Variants in SLC37A2 observed in about 807,000 individuals in gnomAD.
SLC37A2 encodes the protein solute carrier family 37 member 2, also known as glucose-6-phosphate exchanger SLC37A2.
SLC37A2 carries 59 observed loss-of-function variants against 70.7 expected under a neutral mutation model. The observed-to-expected ratio is 0.83, with a 90% confidence interval of 0.68 to 1.04. The LOEUF is 1.04. Ranked by LOEUF, SLC37A2 falls within the 50% of genes least tolerant of loss-of-function variation. SLC37A2 has a pLI of 0.00. For missense variants in SLC37A2, 580 were observed against 658.1 expected, an observed-to-expected ratio of 0.88 and a Z score of 1.30; for synonymous variants, 257 against 262.1, an observed-to-expected ratio of 0.98 and a Z score of 0.19.
At position 125,081,873 on chromosome 11, in the gene SLC37A2, T is replaced by G. The variant is rs746024178; in HGVS notation, c.852T>G (p.Ala284=). The G allele has an allele frequency of 3.2e-5, 52 of 1,613,460 alleles. No homozygotes were observed. The South Asian group carries it at 5.6e-4, about 17-fold the overall frequency. ...CCAAGGGGCCATGCGAAGAGCCTGC[T>G]GCCATCAGCTTCTTTGGGGCGCTCC... is the stretch of plus-strand genomic sequence containing the variant. The part of the protein sequence containing the change: ...KCSKGPCEEP[A]AISFFGALRI... The change falls in exon 9 of 18, where the codon GCT becomes GCG. Residue 284 remains alanine (A), a synonymous_variant. Coordinates refer to ENST00000403796, the MANE Select transcript of SLC37A2 (RefSeq NM_001145290.2).
intron 7 of SLC37A2, 41 bp from the exon 8 acceptor site, chr11:125,081,380 G>A (rs202189032): frequency 3.1e-4 from 484 of 1,583,966 alleles, no homozygotes; most frequent in Non-Finnish European, 3.9e-4. Context: ...TTGGGGGGGC[G>A]GGGGTTGGGA....
intron 14 of SLC37A2, 56 bp downstream of exon 14, chr11:125,085,195 C>T: frequency 6.5e-7 from 1 of 1,527,160 alleles, no homozygotes; most frequent in Non-Finnish European, 9.1e-7. Context: ...TGGTCAGGGC[C>T]ACCATCTCCA....
chr11:125,084,207 C>A (rs745343243), intron 11 of SLC37A2, 27 bp from the exon 12 acceptor site: 1 of 1,613,210 alleles, frequency 6.2e-7, no homozygotes, highest in South Asian at 1.1e-5. Context: ...GTCTGGGAGT[C>A]AGTGCGTGAG....
intron 1 of SLC37A2, among the ~76,000 whole-genome samples, chr11:125,071,598 C>T (rs1949029609): frequency 6.6e-6 from 1 of 152,232 alleles, no homozygotes; most frequent in Non-Finnish European, 1.5e-5. Context: ...TCTAGGAAGG[C>T]TCTCAGGGCA....
In SLC37A2 at chr11:125,083,463, T is replaced by G; in HGVS notation, c.977-352T>G. The G allele has an allele frequency of 4.2e-6, 1 of 239,260 alleles. No homozygotes were observed. The highest frequency in any genetic ancestry group is 7.4e-5 in the South Asian group (1 of 13,472). The allele number at this position is 239,260 out of a possible 1,614,324, so 14.8% of individuals were successfully genotyped here. A position where few individuals can be genotyped will look rare whatever the true frequency, so the allele number is the denominator to read the frequency against. The stretch of plus-strand genomic sequence containing the variant: ...GTTCCTAGTGCTGCTAGGGCCGGAG[T>G]GAAGCAGAGAAAGGGCTGGGCTGAG... On this transcript the variant is annotated intron_variant, in intron 10 of 17. Coordinates refer to ENST00000403796, the MANE Select transcript of SLC37A2 (RefSeq NM_001145290.2). This position sits in a 1 kb window ranked among gnomAD's most constrained non-coding sequence, Gnocchi z 4.6.
chr11:125,069,828 C>T (rs1466204201), intron 1 of SLC37A2, among the ~76,000 whole-genome samples: 3 of 152,246 alleles, frequency 2.0e-5, no homozygotes, highest in African/African-American at 7.2e-5. Context: ...GAAGATGTTG[C>T]TCTCCTCCTC....
chr11:125,071,785 G>A (rs1241817899), intron 1 of SLC37A2, among the ~76,000 whole-genome samples: 1 of 140,846 alleles, frequency 7.1e-6, no homozygotes, highest in Non-Finnish European at 1.5e-5. Context: ...CTGCACCTGT[G>A]GTATCTGTTC....
Position 125,083,478 on chromosome 11 carries a change from G to T in SLC37A2, c.977-337G>T. On this transcript the variant is annotated intron_variant, in intron 10 of 17. Transcript: ENST00000403796. This position sits in a 1 kb window ranked among gnomAD's most constrained non-coding sequence, Gnocchi z 4.6. ...AGGGCCGGAGTGAAGCAGAGAAAGG[G>T]CTGGGCTGAGCTTCAGGTTGCGCTC... The T allele has an allele frequency of 3.6e-6, 1 of 280,166 alleles. No individual in the cohort carries two copies. 17.4% of individuals were successfully genotyped at this position (280,166 alleles called of 1,614,324 possible).
chr11:125,069,865 C>A (rs1255805058), intron 1 of SLC37A2, among the ~76,000 whole-genome samples: 1 of 152,240 alleles, frequency 6.6e-6, no homozygotes, highest in African/African-American at 2.4e-5. Flanking sequence ...GTCAGGATGA[C>A]AATGAATGGC....
chr11:125,069,972 G>A (rs988972938), intron 1 of SLC37A2, among the ~76,000 whole-genome samples: 9 of 152,364 alleles, frequency 5.9e-5, no homozygotes, highest in Non-Finnish European at 7.3e-5. Context: ...GTGTGGGTGC[G>A]TCTGGGGGCA....
intron 1 of SLC37A2, among the ~76,000 whole-genome samples, chr11:125,069,802 C>G (rs1035417586): frequency 6.6e-6 from 1 of 152,240 alleles, no homozygotes; most frequent in African/African-American, 2.4e-5. Flanking sequence ...TCAGAGATGG[C>G]GGAGTTTCTG....
chr11:125,071,734 G>A (rs1388188868), intron 1 of SLC37A2, among the ~76,000 whole-genome samples: 1 of 151,998 alleles, frequency 6.6e-6, no homozygotes, highest in Non-Finnish European at 1.5e-5. Context: ...CCCAAAGAGG[G>A]TCTTGTCCTG....
intron 1 of SLC37A2, among the ~76,000 whole-genome samples, chr11:125,065,140 A>G (rs1205671366): frequency 6.6e-6 from 1 of 152,224 alleles, no homozygotes; most frequent in African/African-American, 2.4e-5. Context: ...CTCAAGGTCA[A>G]TTAAAAGCTG....
At position 125,080,695 on chromosome 11, in the gene SLC37A2, G is replaced by T; in HGVS notation, c.609G>T (p.Val203=). The change falls in exon 7 of 18, where the codon GTG becomes GTT. Residue 203 remains valine (V), a synonymous_variant. Coordinates refer to ENST00000403796, the MANE Select transcript of SLC37A2 (RefSeq NM_001145290.2). This position sits in a 1 kb window ranked among gnomAD's most constrained non-coding sequence, Gnocchi z 4.3. ...GCTCCCTGATCGCCGGCATCTGGGT[G>T]AACGGGCAGTGGGGCCTGTCGTTCA... The part of the protein sequence containing the change: ...ILGSLIAGIW[V]NGQWGLSFIV... 2 of 1,584,648 alleles carry T rather than the reference G, an allele frequency of 1.3e-6. No individual in the cohort carries two copies. Among genetic ancestry groups the T allele is most frequent in the Non-Finnish European group, 1.7e-6 (2 of 1,164,760 alleles).
rs776892337 is a variant in SLC37A2 at position 125,084,809 on chromosome 11, C to T, written c.1126-16C>T. 4 of 1,613,008 alleles carry T rather than the reference C, an allele frequency of 2.5e-6. No individual in the cohort carries two copies. Among genetic ancestry groups the T allele is most frequent in the African/African-American group, 2.7e-5 (2 of 75,054 alleles). On this transcript the variant is annotated splice_polypyrimidine_tract_variant and intron_variant, in intron 12 of 17. Transcript: ENST00000403796. ...GGGATTCCGGGTGACTCTGCCTCTC[C>T]CCTCTCCTCTCTCAGATGTTCCTGT...
chr11:125,073,794 T>C (rs1054007978), intron 1 of SLC37A2, among the ~76,000 whole-genome samples: 10 of 152,148 alleles, frequency 6.6e-5, no homozygotes, highest in Non-Finnish European at 1.5e-4. Context: ...GCTGGCAGGA[T>C]GAAAAAGGCC....
chr11:125,066,863 T>G (rs1326344898), intron 1 of SLC37A2, among the ~76,000 whole-genome samples: 1 of 152,182 alleles, frequency 6.6e-6, no homozygotes, highest in Non-Finnish European at 1.5e-5. Context: ...TGTATTTTAA[T>G]AAAACTGCAA....
intron 1 of SLC37A2, among the ~76,000 whole-genome samples, chr11:125,064,782 T>C (rs1445433265): frequency 6.6e-6 from 1 of 152,116 alleles, no homozygotes; most frequent in Non-Finnish European, 1.5e-5. Context: ...CAAAAGAGAA[T>C]CTAGAGAGGG....
rs1948951285 is a variant in SLC37A2, at chr11:125,063,502, A to G, written c.59+76A>G. ...TTGCAGGGGCCGCGGGGGGCCTCGG[A>G]GATCACCCCAGATCGGCCCCGGCGT... On this transcript the variant is annotated intron_variant, in intron 1 of 17. Coordinates refer to ENST00000403796, the MANE Select transcript of SLC37A2 (RefSeq NM_001145290.2). This position sits in a 1 kb window ranked among gnomAD's most constrained non-coding sequence, Gnocchi z 5.4. 5.0e-5 allele frequency: 66 copies of G among 1,328,766 alleles called. No homozygotes were observed. The South Asian group carries it at 7.9e-4, about 16-fold the overall frequency. 82.3% of individuals were successfully genotyped at this position (1,328,766 alleles called of 1,614,324 possible). A position where few individuals can be genotyped will look rare whatever the true frequency, so the allele number is the denominator to read the frequency against.
Sources: allele counts gnomAD v4.1 joint callset (sites outside exome capture counted in the v4.1 genomes callset), GRCh38; gene constraint gnomAD v4.1.1; non-coding constraint Gnocchi (gnomAD v3.1); transcripts MANE v1.5; gene names NCBI Gene and HGNC (gene_info 2026-07-23, HGNC 2026-07-21).